The following UGT1A8 variants were observed in gnomAD, a reference collection of about 807,000 sequenced individuals.
UGT1A8 encodes UDP-glucuronosyltransferase 1A8.
A neutral mutation model predicts 45.3 loss-of-function variants in UGT1A8; 39 were observed. That is an observed-to-expected ratio of 0.86 (90% confidence interval 0.67 to 1.12). UGT1A8 has a LOEUF of 1.12. Among genes scored for constraint, UGT1A8 ranks in the 50% most tolerant of loss-of-function variants. UGT1A8 has a pLI of 0.00. For missense variants in UGT1A8, 719 were observed against 664.9 expected (o/e 1.08, Z -0.90); for synonymous variants, 275 against 249.2 (o/e 1.10, Z -0.97).
intron 1 of UGT1A8, among the ~76,000 whole-genome samples, chr2:233,709,664 G>A (rs775145297): frequency 1.3e-5 from 2 of 152,116 alleles, no homozygotes; most frequent in African/African-American, 2.4e-5. Context: ...TTGTATAGTA[G>A]GTTTTGGTCT....
At chr2:233,738,284 C>T (rs1690749854) in intron 1 of UGT1A8, among the ~76,000 whole-genome samples, 1 of 152,160 alleles carries the variant, frequency 6.6e-6, no homozygotes, top group Non-Finnish European at 1.5e-5. Context: ...TTATAAATTA[C>T]CCAGTCTTGG....
Position 233,643,583 on chromosome 2 carries a change from C to G in UGT1A8, c.855+25021C>G, listed in dbSNP as rs182484074. 2.7e-3 allele frequency among the ~76,000 whole-genome samples: 407 copies of G among 152,120 alleles called. 1 individual carries two copies. The highest frequency in any genetic ancestry group is 9.1e-3 in the African/African-American group (379 of 41,494). On this transcript the variant is annotated intron_variant, in intron 1 of 4. Coordinates refer to ENST00000373450, the MANE Select transcript of UGT1A8 (RefSeq NM_019076.5). ...GTACCTAAGTTATAAGGCAAAGTCC[C>G]CTTTACCTTTCCTTGTGCTTTCCTC...
intron 1 of UGT1A8, chr2:233,755,075 A>C (rs1312444555): frequency 7.5e-7 from 1 of 1,336,312 alleles, no homozygotes; most frequent in East Asian, 4.6e-5. Context: ...CATAGCGGTC[A>C]TAGATATCGC....
chr2:233,687,558 A>G lies in UGT1A8; in HGVS notation c.855+68996A>G, dbSNP rs183508627. ...TATGCCTCAAGTAAGTGGGGGAGCC[A>G]GAATTCAAGACCATACATTCTTTGT... is the stretch of plus-strand genomic sequence containing the variant. On this transcript the variant is annotated intron_variant, in intron 1 of 4. Transcript: ENST00000373450. 6.0e-5 allele frequency among the ~76,000 whole-genome samples: 9 copies of G among 149,652 alleles called. No individual in the cohort carries two copies. In the East Asian group the frequency reaches 1.6e-3, roughly 26 times the overall value.
intron 1 of UGT1A8, among the ~76,000 whole-genome samples, chr2:233,700,874 C>T (rs1245248063): frequency 1.3e-5 from 2 of 151,768 alleles, no homozygotes; most frequent in African/African-American, 4.8e-5. Flanking sequence ...CCTCCCTCCT[C>T]CCCCCACCCC....
intron 1 of UGT1A8, among the ~76,000 whole-genome samples, chr2:233,647,568 G>T (rs1401170290): frequency 6.6e-6 from 1 of 152,160 alleles, no homozygotes; most frequent in African/African-American, 2.4e-5. Flanking sequence ...AATTTAAAAG[G>T]TACAGATTAT....
At chr2:233,740,640 G>C (rs1049761331) in intron 1 of UGT1A8, 2 of 151,736 alleles carry the variant, frequency 1.3e-5, no homozygotes, top group Admixed American at 1.3e-4. Flanking sequence ...GCCTTTCCTT[G>C]CCCAGTGTAC....
rs770037031 is a variant in UGT1A8 at position 233,718,834 on chromosome 2, T to C, written c.856-48200T>C. The C allele has an allele frequency of 1.2e-5, 20 of 1,613,482 alleles. No homozygotes were observed. The highest frequency in any genetic ancestry group is 4.0e-5 in the African/African-American group (3 of 74,922). ...GCTTCTGCTGAGATGGCCAGAGGAC[T>C]CCAGGTTCCCCTGCCGCGGCTGGCC... is the stretch of plus-strand genomic sequence containing the variant. On this transcript the variant is annotated intron_variant, in intron 1 of 4. Transcript: ENST00000373450.
At chr2:233,651,026 C>G (rs1292452180) in intron 1 of UGT1A8, among the ~76,000 whole-genome samples, 4 of 152,144 alleles carry the variant, frequency 2.6e-5, no homozygotes, top group Admixed American at 2.6e-4. Context: ...TTTTAGCCAA[C>G]TCATGGGAAA....
chr2:233,685,727 G>A (rs150254106), intron 1 of UGT1A8, among the ~76,000 whole-genome samples: 5 of 152,194 alleles, frequency 3.3e-5, no homozygotes, highest in South Asian at 2.1e-4. Flanking sequence ...GTACTGCTTC[G>A]TCTTTCTCCA....
chr2:233,683,254 T>C (rs1390186173), intron 1 of UGT1A8, among the ~76,000 whole-genome samples: 1 of 152,166 alleles, frequency 6.6e-6, no homozygotes, highest in Non-Finnish European at 1.5e-5. Flanking sequence ...TGTTTTTTTA[T>C]GTTAGATTTT....
intron 1 of UGT1A8, chr2:233,747,324 T>G: frequency 1.2e-6 from 2 of 1,603,244 alleles, no homozygotes; most frequent in Non-Finnish European, 1.7e-6. Context: ...TACCCATTGA[T>G]GGCAGCCACT....
In UGT1A8 at chr2:233,705,292, T is replaced by C. The variant is rs116122647; in HGVS notation, c.856-61742T>C. On this transcript the variant is annotated intron_variant, in intron 1 of 4. Coordinates refer to ENST00000373450, the MANE Select transcript of UGT1A8 (RefSeq NM_019076.5). Reference sequence around the variant, plus strand: ...TGCTTTCAACCTGAAGAACTTCCTTTAGTATTTCTTGTAAGTTGAGTTTTT... The same window carrying C: ...TGCTTTCAACCTGAAGAACTTCCTTCAGTATTTCTTGTAAGTTGAGTTTTT... Among the ~76,000 whole-genome samples the C allele has an allele frequency of 8.8e-3, 1,348 of 152,332 alleles. 24 individuals are homozygous for C. Among genetic ancestry groups the C allele is most frequent in the African/African-American group, 0.031 (1,278 of 41,568 alleles).
intron 1 of UGT1A8, chr2:233,760,347 G>A (rs1239455417): frequency 6.2e-7 from 1 of 1,613,914 alleles, no homozygotes; most frequent in African/African-American, 1.3e-5. Flanking sequence ...TGTGTGTGCT[G>A]GGCCCAGTGG....
intron 1 of UGT1A8, chr2:233,682,738 CA>C: frequency 9.9e-6 from 16 of 1,613,880 alleles, no homozygotes; most frequent in Non-Finnish European, 1.4e-5. Flanking sequence ...CCGTGATGCC[CA>C]ATATGATCTT....
In UGT1A8 at chr2:233,752,740, G is replaced by C. The variant is rs146813256; in HGVS notation, c.856-14294G>C. Among the ~76,000 whole-genome samples, 785 of 152,256 alleles carry C rather than the reference G, an allele frequency of 5.2e-3. 4 individuals are homozygous for C. Among genetic ancestry groups the C allele is most frequent in the Non-Finnish European group, 8.2e-3 (561 of 68,032 alleles). On this transcript the variant is annotated intron_variant, in intron 1 of 4. Coordinates refer to ENST00000373450, the MANE Select transcript of UGT1A8 (RefSeq NM_019076.5). ...GGCAACAGCTACAGAGAGAGACCCTGTCTCTAAAACAAACAAACAAACAAA... is the reference window on the plus strand; with the variant it reads ...GGCAACAGCTACAGAGAGAGACCCTCTCTCTAAAACAAACAAACAAACAAA...
At chr2:233,729,032 T>C in intron 1 of UGT1A8, 2 of 1,601,672 alleles carry the variant, frequency 1.2e-6, no homozygotes. Flanking sequence ...GTTGATTTGC[T>C]AAGTGGCTCA....
Position 233,713,202 on chromosome 2 carries a change from G to T in UGT1A8, c.856-53832G>T, listed in dbSNP as rs181492639. ...CCTGGAGGTGAATATGTACATCAAA[G>T]AAGAGAACTTTTTCACCCTGACAAC... On this transcript the variant is annotated intron_variant, in intron 1 of 4. Coordinates refer to ENST00000373450, the MANE Select transcript of UGT1A8 (RefSeq NM_019076.5). The T allele has an allele frequency of 1.5e-4, 250 of 1,614,240 alleles. 3 individuals carry two copies. The East Asian group carries it at 4.8e-3, about 31-fold the overall frequency.
rs376278520 is a variant in UGT1A8, at chr2:233,729,272, G to A, written c.856-37762G>A. The A allele has an allele frequency of 1.9e-5, 30 of 1,614,080 alleles. No homozygotes were observed. The highest frequency in any genetic ancestry group is 9.3e-5 in the African/African-American group (7 of 74,926). ...TGGCTCAGCATGCGGGAGGTCTTGC[G>A]GGAGCTCCATGCCAGAGGCCACCAG... On this transcript the variant is annotated intron_variant, in intron 1 of 4. Coordinates refer to ENST00000373450, the MANE Select transcript of UGT1A8 (RefSeq NM_019076.5).
Sources: gnomAD v4.1 joint callset for allele counts (sites outside exome capture counted in the v4.1 genomes callset) on GRCh38, gnomAD v4.1.1 for gene constraint, MANE v1.5 for transcripts, NCBI Gene and HGNC (gene_info 2026-07-23, HGNC 2026-07-21) for gene names.